Variants in XKR6 observed in about 807,000 individuals in gnomAD.
XKR6 encodes the protein XK-related protein 6.
A neutral mutation model predicts 56.7 loss-of-function variants in XKR6; 22 were observed. That is an observed-to-expected ratio of 0.39 (90% CI 0.28 to 0.55). The LOEUF is 0.55. Ranked by LOEUF, XKR6 falls within the 20% of genes least tolerant of loss-of-function variation. XKR6 has a pLI of 0.66. For missense variants in XKR6, 852 were observed against 889.0 expected (o/e 0.96, Z 0.53); for synonymous variants, 524 against 387.8 (o/e 1.35, Z -4.13).
chr8:11,114,739 G>A (rs865850029), intron 1 of XKR6, among the ~76,000 whole-genome samples: 7,456 of 121,472 alleles, frequency 0.061, 676 homozygotes, highest in African/African-American at 0.2. Flanking sequence ...GTGTGTGTGT[G>A]TGTGTGTGTG....
chr8:10,970,063 C>T (rs1482262193), intron 1 of XKR6, among the ~76,000 whole-genome samples: 4 of 152,214 alleles, frequency 2.6e-5, no homozygotes, highest in Non-Finnish European at 4.4e-5. Flanking sequence ...CACTTGTGAA[C>T]GATTTCACTG....
intron 1 of XKR6, among the ~76,000 whole-genome samples, chr8:11,193,493 G>A (rs1045561777): frequency 6.6e-6 from 1 of 152,158 alleles, no homozygotes; most frequent in Non-Finnish European, 1.5e-5. Flanking sequence ...TAATGTCACT[G>A]TAACAATAGC....
intron 1 of XKR6, among the ~76,000 whole-genome samples, chr8:11,089,321 G>A (rs530552455): frequency 6.6e-6 from 1 of 152,308 alleles, no homozygotes; most frequent in South Asian, 2.1e-4. Flanking sequence ...ACGCCAGCCT[G>A]GGGTTGAGTG....
At chr8:11,039,161 A>G (rs982048724) in intron 1 of XKR6, among the ~76,000 whole-genome samples, 1 of 152,114 alleles carries the variant, frequency 6.6e-6, no homozygotes, top group African/African-American at 2.4e-5. Context: ...ACGCCGCCCC[A>G]CTCAGCTGCC....
At chr8:11,046,631 C>T (rs1202700698) in intron 1 of XKR6, among the ~76,000 whole-genome samples, 1 of 152,142 alleles carries the variant, frequency 6.6e-6, no homozygotes, top group Non-Finnish European at 1.5e-5. Flanking sequence ...AATTCTGACA[C>T]ATGCTACAAC....
intron 1 of XKR6, among the ~76,000 whole-genome samples, chr8:11,054,330 C>T (rs1799627413): frequency 6.6e-6 from 1 of 152,234 alleles, no homozygotes. Context: ...TAACCTTCCT[C>T]TGATGACCAC....
rs1436029265 is a variant in XKR6, at chr8:10,924,772, G to A, written c.823C>T (p.Arg275Cys). The change falls in exon 2 of 3, where the codon CGC (arginine) becomes TGC (cysteine). Residue 275 changes from arginine to cysteine, a missense_variant. Arg to Cys is a radical substitution (Grantham distance 180, BLOSUM62 -3). Coordinates refer to ENST00000416569, the MANE Select transcript of XKR6 (RefSeq NM_173683.4). ...QSQRRKEHQR[R>C]FYWAMMYEYA... is the part of the protein sequence containing the mutation. ...TCATACATCATAGCCCAGTAGAAGC[G>A]TCGCTGGTGTTCCTTCCGCCGCTGG... The A allele has an allele frequency of 6.2e-6, 10 of 1,613,958 alleles. No homozygotes were observed. Among genetic ancestry groups the A allele is most frequent in the Non-Finnish European group, 8.5e-6 (10 of 1,180,016 alleles).
intron 1 of XKR6, among the ~76,000 whole-genome samples, chr8:11,066,277 A>T (rs1799976469): frequency 1.3e-5 from 2 of 152,206 alleles, no homozygotes; most frequent in African/African-American, 4.8e-5. Flanking sequence ...TGTTCGAAAC[A>T]GACTATTTTT....
chr8:11,033,363 AGTGATG>A (rs1799047533), intron 1 of XKR6, among the ~76,000 whole-genome samples: 1 of 141,854 alleles, frequency 7.0e-6, no homozygotes, highest in African/African-American at 2.9e-5. Flanking sequence ...TGATGACGAT[AGTGATG>A]GTGATGGTGG....
chr8:10,944,741 C>G lies in XKR6; in HGVS notation c.765-19911G>C, dbSNP rs73537303. On this transcript the variant is annotated intron_variant, in intron 1 of 2. Coordinates refer to ENST00000416569, the MANE Select transcript of XKR6 (RefSeq NM_173683.4). ...CTGCACACACCCTGCCCCCAACATA[C>G]CCTAGAGCAGAGATGCCTTCTGTAC... is the stretch of plus-strand genomic sequence containing the variant. Among the ~76,000 whole-genome samples the G allele has an allele frequency of 2.4e-3, 366 of 152,280 alleles. 2 individuals carry two copies. The highest frequency in any genetic ancestry group is 8.4e-3 in the African/African-American group (349 of 41,548).
At chr8:10,988,967 C>G (rs1797926840) in intron 1 of XKR6, among the ~76,000 whole-genome samples, 1 of 152,230 alleles carries the variant, frequency 6.6e-6, no homozygotes, top group Non-Finnish European at 1.5e-5. Flanking sequence ...ATCCTGGACA[C>G]ATAAAATACT....
chr8:10,955,274 G>A (rs995062991), intron 1 of XKR6, among the ~76,000 whole-genome samples: 1 of 152,188 alleles, frequency 6.6e-6, no homozygotes, highest in African/African-American at 2.4e-5. Flanking sequence ...CCAGGCTCAA[G>A]AAATCCTCCC....
rs1309406659 is a variant in XKR6, at chr8:11,200,503, G to A, written c.764+73C>T. ...CCGCGCTGGGCCCTTTCGAGGGGCCGCCCCGCGAAGCACCGGGAGGGCGGA... is the reference window on the plus strand; with the variant it reads ...CCGCGCTGGGCCCTTTCGAGGGGCCACCCCGCGAAGCACCGGGAGGGCGGA... On this transcript the variant is annotated intron_variant, in intron 1 of 2. Coordinates refer to ENST00000416569, the MANE Select transcript of XKR6 (RefSeq NM_173683.4). The surrounding 1 kb of genome is among the most constrained non-coding windows in gnomAD (Gnocchi z 6.4). The A allele has an allele frequency of 2.9e-6, 4 of 1,368,444 alleles. No homozygotes were observed. The African/African-American group carries it at 6.1e-5, about 21-fold the overall frequency. 84.8% of individuals were successfully genotyped at this position (1,368,444 alleles called of 1,614,324 possible). A position where few individuals can be genotyped will look rare whatever the true frequency, so the allele number is the denominator to read the frequency against.
chr8:11,021,183 C>T (rs191140881), intron 1 of XKR6, among the ~76,000 whole-genome samples: 12 of 152,278 alleles, frequency 7.9e-5, no homozygotes, highest in Non-Finnish European at 1.6e-4. Context: ...AACTCTGTGT[C>T]CTAAGACACT....
At chr8:11,168,485 G>A (rs572181316) in intron 1 of XKR6, among the ~76,000 whole-genome samples, 3 of 152,026 alleles carry the variant, frequency 2.0e-5, no homozygotes, top group African/African-American at 7.3e-5. Flanking sequence ...ACAGATAGAA[G>A]AACTTGACAA....
chr8:11,184,958 T>G (rs1180805820), intron 1 of XKR6, among the ~76,000 whole-genome samples: 1 of 152,248 alleles, frequency 6.6e-6, no homozygotes, highest in African/African-American at 2.4e-5. Flanking sequence ...GACCATCATT[T>G]AGTTACACAG....
intron 1 of XKR6, among the ~76,000 whole-genome samples, chr8:11,054,796 G>A (rs1308444610): frequency 2.0e-5 from 3 of 152,212 alleles, no homozygotes; most frequent in Non-Finnish European, 2.9e-5. Flanking sequence ...GGCTGCCAGG[G>A]TGGTGCTCAC....
intron 2 of XKR6, among the ~76,000 whole-genome samples, chr8:10,904,445 T>G (rs550919719): frequency 5.9e-5 from 9 of 152,308 alleles, no homozygotes; most frequent in Admixed American, 1.3e-4. Context: ...ACGTCCTGTT[T>G]TGTGTTTTCA....
At chr8:11,092,633 G>C (rs552635246) in intron 1 of XKR6, among the ~76,000 whole-genome samples, 4 of 152,328 alleles carry the variant, frequency 2.6e-5, no homozygotes, top group African/African-American at 7.2e-5. Flanking sequence ...CTGCAAACAA[G>C]AGCCGGGAGA....
Sources: allele counts gnomAD v4.1 joint callset (sites outside exome capture counted in the v4.1 genomes callset), GRCh38; gene constraint gnomAD v4.1.1; non-coding constraint Gnocchi (gnomAD v3.1); transcripts MANE v1.5; gene names NCBI Gene and HGNC (gene_info 2026-07-23, HGNC 2026-07-21).